CLSTN3: variants seen among roughly 807,000 people sequenced by gnomAD.
CLSTN3 encodes calsyntenin 3.
Under a neutral mutation model 95.9 loss-of-function variants are expected in CLSTN3, and 36 were observed. The observed-to-expected ratio is 0.38, with a 90% confidence interval of 0.29 to 0.50. The LOEUF (loss-of-function observed/expected upper bound fraction) is 0.50, where lower values mean the gene tolerates loss of function less well. Among genes scored for constraint, CLSTN3 ranks in the 20% least tolerant of loss-of-function variants. CLSTN3 has a pLI of 0.95. For missense variants in CLSTN3, 1,084 were observed against 1,268.8 expected (o/e 0.85, Z 2.21); for synonymous variants, 481 against 504.0 (o/e 0.95, Z 0.61).
chr12:7,149,546 G>C lies in CLSTN3; in HGVS notation c.2098G>C (p.Glu700Gln), dbSNP rs765966783. Residue 700 changes from glutamate to glutamine, a missense_variant, in exon 14 of 18, where the codon GAG (glutamate) becomes CAG (glutamine). Physicochemically the swap from Glu to Gln is conservative, Grantham distance 29 (BLOSUM62 2). Transcript: ENST00000266546. The surrounding 1 kb of genome is among the most constrained non-coding windows in gnomAD (Gnocchi z 4.5). ...GTVTDTRMSDEIVHNLDGCEI... is the reference protein window; with the variant it reads ...GTVTDTRMSDQIVHNLDGCEI... ...AGTGACAGACACACGCATGTCGGAT[G>C]AGATTGTGCACAACCTGGATGGCTG... is the stretch of plus-strand genomic sequence containing the variant. 6.2e-7 allele frequency: 1 copy of C among 1,614,016 alleles called. No individual in the cohort carries two copies.
Position 7,130,559 on chromosome 12 carries a change from C to G in CLSTN3, c.-90C>G. The G allele has an allele frequency of 4.5e-6, 7 of 1,547,910 alleles. No homozygotes were observed. Among genetic ancestry groups the G allele is most frequent in the Non-Finnish European group, 6.1e-6 (7 of 1,146,774 alleles). The stretch of plus-strand genomic sequence containing the variant: ...CTGCTGTACCCCGCTCCTTGGAGAC[C>G]CCCTGTATCCCTCCCGCAAGGTGGA... On this transcript the variant is annotated 5_prime_UTR_variant, in exon 1 of 18. Coordinates refer to ENST00000266546, the MANE Select transcript of CLSTN3 (RefSeq NM_014718.4).
At position 7,142,788 on chromosome 12, in the gene CLSTN3, C is replaced by T. The variant is rs1015501032; in HGVS notation, c.1541-81C>T. On this transcript the variant is annotated intron_variant, in intron 10 of 17. Coordinates refer to ENST00000266546, the MANE Select transcript of CLSTN3 (RefSeq NM_014718.4). Reference sequence around the variant, plus strand: ...TCTCAACTCTTCTGCTCTTTCTCTCCTTTCCCTTTCTCTCAGCCTTCGTCC... The same window carrying T: ...TCTCAACTCTTCTGCTCTTTCTCTCTTTTCCCTTTCTCTCAGCCTTCGTCC... 5 of 1,256,634 alleles carry T rather than the reference C, an allele frequency of 4.0e-6. No individual in the cohort carries two copies. The Admixed American group carries it at 5.4e-5, about 14-fold the overall frequency. 77.8% of individuals were successfully genotyped at this position (1,256,634 alleles called of 1,614,324 possible).
intron 12 of CLSTN3, among the ~76,000 whole-genome samples, chr12:7,147,941 A>T (rs1276259756): frequency 6.6e-6 from 1 of 152,058 alleles, no homozygotes; most frequent in Non-Finnish European, 1.5e-5. Context: ...GATCACCTGA[A>T]GTCAGGAGTT....
intron 12 of CLSTN3, among the ~76,000 whole-genome samples, chr12:7,143,522 T>G (rs776222350): frequency 2.0e-5 from 3 of 152,252 alleles, no homozygotes; most frequent in Non-Finnish European, 4.4e-5. Context: ...CAACAATCAA[T>G]CTGTTACTCT....
At chr12:7,135,586 C>T (rs745458695) in intron 4 of CLSTN3, 51 bp downstream of exon 4, 2 of 1,576,502 alleles carry the variant, frequency 1.3e-6, no homozygotes, top group Admixed American at 1.7e-5. Context: ...TGAGCACCCA[C>T]CTCCCTCAGG....
chr12:7,136,545 A>G (rs1267151485), intron 6 of CLSTN3, among the ~76,000 whole-genome samples, 154 bp downstream of exon 6: 1 of 152,198 alleles, frequency 6.6e-6, no homozygotes, highest in Non-Finnish European at 1.5e-5. Context: ...CCCAAAAGGC[A>G]GGTACATATG....
intron 8 of CLSTN3, chr12:7,138,597 A>G (rs531339126): frequency 1.3e-5 from 2 of 152,340 alleles, no homozygotes; most frequent in Non-Finnish European, 2.9e-5. Flanking sequence ...ACCGTTGTAG[A>G]CTGAAAAGCA....
chr12:7,130,314 C>G (rs1427902483), upstream of CLSTN3: 4 of 898,744 alleles, frequency 4.5e-6, no homozygotes, highest in East Asian at 5.0e-5. Context: ...CCCCCCCCCT[C>G]CCAGTCACCT....
At position 7,158,296 on chromosome 12, in the gene CLSTN3, T is replaced by C; in HGVS notation, c.*215T>C. The C allele has an allele frequency of 5.7e-6, 3 of 526,168 alleles. No homozygotes were observed. The highest frequency in any genetic ancestry group is 9.8e-6 in the Non-Finnish European group (3 of 307,048). 32.6% of individuals were successfully genotyped at this position (526,168 alleles called of 1,614,324 possible). Reference sequence around the variant, plus strand: ...CCTCACTTCTGGGCTGTCATGCTCCTGGTGTGCCCCTTGCACTGGGGCTGG... The same window carrying C: ...CCTCACTTCTGGGCTGTCATGCTCCCGGTGTGCCCCTTGCACTGGGGCTGG... On this transcript the variant is annotated 3_prime_UTR_variant, in exon 18 of 18. Transcript: ENST00000266546.
chr12:7,148,156 A>AAAAAAG (rs371772365), intron 12 of CLSTN3, among the ~76,000 whole-genome samples: 1 of 135,404 alleles, frequency 7.4e-6, no homozygotes, highest in Non-Finnish European at 1.6e-5. Context: ...AACTCCATCA[A>AAAAAAG]AAAGAAAGAA....
chr12:7,132,924 A>T, intron 1 of CLSTN3, 100 bp from the exon 2 acceptor site: 1 of 1,532,638 alleles, frequency 6.5e-7, no homozygotes, highest in Non-Finnish European at 9.0e-7. Context: ...GGAAAAGGTG[A>T]TGGTGCTGGG....
chr12:7,130,303 T>TCCCCCCCCCCCCCCCCCCA, upstream of CLSTN3: 1 of 778,326 alleles, frequency 1.3e-6, no homozygotes, highest in South Asian at 2.6e-5. Flanking sequence ...CAGCACCTGG[T>TCCCCCCCCCCCCCCCCCCA]CCCCCCCCCT....
intron 4 of CLSTN3, 100 bp downstream of exon 4, chr12:7,135,635 C>A: frequency 7.3e-7 from 1 of 1,365,656 alleles, no homozygotes; most frequent in Non-Finnish European, 1.0e-6. Context: ...GCCCCTCAGA[C>A]CCTCACCTCA....
chr12:7,135,327 G>A lies in CLSTN3; in HGVS notation c.384G>A (p.Lys128=), dbSNP rs779033354. Residue 128 remains lysine, a splice_region_variant and synonymous_variant, in exon 4 of 18, where the codon AAG becomes AAA. Coordinates refer to ENST00000266546, the MANE Select transcript of CLSTN3 (RefSeq NM_014718.4). The part of the protein sequence containing the change: ...PDGANTKKSH[K]ATVHVRVNDV... Reference sequence around the variant, plus strand: ...CCCTCCTTCTCTCTGGCATATGCAGGGCCACTGTGCATGTGCGGGTCAACG... The same window carrying A: ...CCCTCCTTCTCTCTGGCATATGCAGAGCCACTGTGCATGTGCGGGTCAACG... 2 of 1,613,986 alleles carry A rather than the reference G, an allele frequency of 1.2e-6. No homozygotes were observed. Among genetic ancestry groups the A allele is most frequent in the East Asian group, 2.2e-5 (1 of 44,880 alleles).
upstream of CLSTN3, chr12:7,130,303 T>TGG: frequency 1.3e-6 from 1 of 778,324 alleles, no homozygotes; most frequent in Non-Finnish European, 1.6e-6. Flanking sequence ...CAGCACCTGG[T>TGG]CCCCCCCCCT....
Position 7,149,582 on chromosome 12 carries a change from C to G in CLSTN3, c.2134C>G (p.Leu712Val), listed in dbSNP as rs765674868. The change falls in exon 14 of 18, where the codon CTG becomes GTG. Residue 712 changes from leucine to valine, a missense_variant. Transcript: ENST00000266546. This position sits in a 1 kb window ranked among gnomAD's most constrained non-coding sequence, Gnocchi z 4.5. Reference sequence around the variant, plus strand: ...CAACCTGGATGGCTGTGAAATTTCTCTGGTGGGGGATGACCTGGATCCCGA... The same window carrying G: ...CAACCTGGATGGCTGTGAAATTTCTGTGGTGGGGGATGACCTGGATCCCGA... ...VHNLDGCEIS[L>V]VGDDLDPERE... is the part of the protein sequence containing the mutation. 6.2e-7 allele frequency: 1 copy of G among 1,614,194 alleles called. No homozygotes were observed. Among genetic ancestry groups the G allele is most frequent in the South Asian group, 1.1e-5 (1 of 91,084 alleles).
At chr12:7,147,807 T>C (rs960518461) in intron 12 of CLSTN3, among the ~76,000 whole-genome samples, 1 of 151,968 alleles carries the variant, frequency 6.6e-6, no homozygotes, top group Non-Finnish European at 1.5e-5. Context: ...TGAGCCATCA[T>C]GCCCAGCCTG....
chr12:7,143,562 G>A (rs1036024066), intron 12 of CLSTN3, among the ~76,000 whole-genome samples: 6 of 152,206 alleles, frequency 3.9e-5, no homozygotes, highest in Non-Finnish European at 5.9e-5. Context: ...TAGGGTTTCC[G>A]GGCTTTGATC....
At position 7,150,909 on chromosome 12, in the gene CLSTN3, G is replaced by A. The variant is rs368127517; in HGVS notation, c.2392-19G>A. ...CCTGGGAGAAGCGTGTGTGCCCATG[G>A]AGCCCTCCCTCTGCCCAGGTCAATG... On this transcript the variant is annotated intron_variant, in intron 15 of 17. Transcript: ENST00000266546. This position sits in a 1 kb window ranked among gnomAD's most constrained non-coding sequence, Gnocchi z 4.0. 18 of 1,567,600 alleles carry A rather than the reference G, an allele frequency of 1.1e-5. No homozygotes were observed. In the African/African-American group the frequency reaches 1.4e-4, roughly 12 times the overall value.
Sources: gnomAD v4.1 joint callset for allele counts (sites outside exome capture counted in the v4.1 genomes callset) on GRCh38, gnomAD v4.1.1 for gene constraint, Gnocchi (gnomAD v3.1) non-coding constraint, MANE v1.5 for transcripts, NCBI Gene and HGNC (gene_info 2026-07-23, HGNC 2026-07-21) for gene names.